The following GRIN2B variants were observed in gnomAD, a reference collection of about 807,000 sequenced individuals.
GRIN2B encodes glutamate ionotropic receptor NMDA type subunit 2B, also known as glutamate receptor ionotropic, NMDA 2B.
In GRIN2B, 5 loss-of-function variants were observed where a neutral mutation model predicts 114.5. The ratio of observed to expected loss-of-function variants is 0.04; its 90% CI spans 0.02 to 0.09. GRIN2B has a LOEUF of 0.09. GRIN2B is among the 10% of genes least tolerant of loss of function. GRIN2B has a pLI of 1.00. For missense variants in GRIN2B, 1,108 were observed against 1,943.5 expected (o/e 0.57, Z 8.08); for synonymous variants, 787 against 745.1 (o/e 1.06, Z -0.92).
chr12:13,818,535 T>C (rs1338086640), intron 3 of GRIN2B, among the ~76,000 whole-genome samples: 2 of 152,244 alleles, frequency 1.3e-5, no homozygotes, highest in Non-Finnish European at 2.9e-5. Context: ...TCATTATTCT[T>C]AGAGATTGAG....
chr12:13,674,008 G>A (rs370291378), intron 5 of GRIN2B, among the ~76,000 whole-genome samples: 1 of 152,016 alleles, frequency 6.6e-6, no homozygotes, highest in African/African-American at 2.4e-5. Context: ...CAGAAGCCCA[G>A]GGAACAACCA....
chr12:13,619,888 C>T (rs1949494256), intron 5 of GRIN2B, among the ~76,000 whole-genome samples: 1 of 152,210 alleles, frequency 6.6e-6, no homozygotes, highest in South Asian at 2.1e-4. Flanking sequence ...CTCTGCACTG[C>T]TTCTCTGACA....
chr12:13,616,911 G>A (rs1949451070), intron 5 of GRIN2B, among the ~76,000 whole-genome samples: 1 of 152,210 alleles, frequency 6.6e-6, no homozygotes, highest in South Asian at 2.1e-4. Context: ...ACTATGTGCT[G>A]GCACCCTGTT....
intron 3 of GRIN2B, among the ~76,000 whole-genome samples, chr12:13,780,284 T>C (rs61912126): frequency 1.3e-5 from 2 of 151,522 alleles, no homozygotes; most frequent in Non-Finnish European, 2.9e-5. Flanking sequence ...CATAGAGCTA[T>C]TTAAAAAAAA....
chr12:13,912,591 C>G (rs1260727120), intron 2 of GRIN2B, among the ~76,000 whole-genome samples: 1 of 151,954 alleles, frequency 6.6e-6, no homozygotes, highest in African/African-American at 2.4e-5. Context: ...TAGCCTTGCT[C>G]TGTCTGAACC....
intron 12 of GRIN2B, among the ~76,000 whole-genome samples, chr12:13,568,386 T>C (rs1391768282): frequency 6.6e-6 from 1 of 152,190 alleles, no homozygotes; most frequent in Non-Finnish European, 1.5e-5. Flanking sequence ...CTGACTAAAG[T>C]TTTGGCAACT....
chr12:13,608,553 CT>C, intron 10 of GRIN2B, 49 bp downstream of exon 10: 1 of 1,369,388 alleles, frequency 7.3e-7, no homozygotes. Context: ...TTGAGTATGG[CT>C]GAGAACAGGA....
At chr12:13,810,140 C>T (rs999504767) in intron 3 of GRIN2B, among the ~76,000 whole-genome samples, 1 of 152,108 alleles carries the variant, frequency 6.6e-6, no homozygotes, top group African/African-American at 2.4e-5. Context: ...CCCACCACCC[C>T]CCTCCCCACC....
chr12:13,888,215 A>C (rs769846717), intron 2 of GRIN2B, among the ~76,000 whole-genome samples: 3 of 152,184 alleles, frequency 2.0e-5, no homozygotes, highest in African/African-American at 7.2e-5. Context: ...AAGCAATTTC[A>C]TCATTGTGTG....
At position 13,549,385 on chromosome 12, in the gene GRIN2B, G is replaced by T. The variant is rs944931247; in HGVS notation, c.*13398C>A. On this transcript the variant is annotated 3_prime_UTR_variant, in exon 14 of 14. Coordinates refer to ENST00000609686, the MANE Select transcript of GRIN2B (RefSeq NM_000834.5). ...TGGGGGCTATAGGTTCTTTCTTCAAGAATTCATTGTGTATGTGAACTGCCT... is the reference window on the plus strand; with the variant it reads ...TGGGGGCTATAGGTTCTTTCTTCAATAATTCATTGTGTATGTGAACTGCCT... 2.0e-5 allele frequency: 3 copies of T among 152,106 alleles called. No individual in the cohort carries two copies. The highest frequency in any genetic ancestry group is 7.2e-5 in the African/African-American group (3 of 41,396). 9.4% of individuals were successfully genotyped at this position (152,106 alleles called of 1,614,324 possible). A position where few individuals can be genotyped will look rare whatever the true frequency, so the allele number is the denominator to read the frequency against.
intron 4 of GRIN2B, among the ~76,000 whole-genome samples, chr12:13,693,420 T>C (rs1950231528): frequency 1.3e-5 from 2 of 152,110 alleles, no homozygotes; most frequent in Admixed American, 1.3e-4. Flanking sequence ...AAGCATGGCA[T>C]ATACCTTATA....
At chr12:13,680,764 A>C (rs1358934111) in intron 4 of GRIN2B, among the ~76,000 whole-genome samples, 3 of 152,104 alleles carry the variant, frequency 2.0e-5, no homozygotes, top group Non-Finnish European at 2.9e-5. Context: ...AAGTAAAATC[A>C]GTTCCACAGA....
At position 13,564,606 on chromosome 12, in the gene GRIN2B, C is replaced by T. The variant is rs201426340; in HGVS notation, c.2632G>A (p.Glu878Lys). 5.6e-6 allele frequency: 9 copies of T among 1,613,818 alleles called. No individual in the cohort carries two copies. Among genetic ancestry groups the T allele is most frequent in the African/African-American group, 2.7e-5 (2 of 74,998 alleles). The change falls in exon 14 of 14, where the codon GAG (glutamate) becomes AAG (lysine). Residue 878 changes from glutamate to lysine, a missense_variant. Around this residue, in one of 19 missense-constraint regions of GRIN2B, gnomAD observed 27 missense variants for 51.7 expected, o/e 0.52. Transcript: ENST00000609686. This position sits in a 1 kb window ranked among gnomAD's most constrained non-coding sequence, Gnocchi z 4.8. Reference protein sequence around the residue: ...IYSCIHGVAIEERQSVMNSPT... With the variant: ...IYSCIHGVAIKERQSVMNSPT... Reference sequence around the variant, plus strand: ...GAGTTCATTACAGACTGGCGCTCCTCGATCGCCACCCCATGGATGCAGCTG... The same window carrying T: ...GAGTTCATTACAGACTGGCGCTCCTTGATCGCCACCCCATGGATGCAGCTG...
At chr12:13,716,151 T>C (rs1268859546) in intron 4 of GRIN2B, among the ~76,000 whole-genome samples, 1 of 151,888 alleles carries the variant, frequency 6.6e-6, no homozygotes, top group Non-Finnish European at 1.5e-5. Flanking sequence ...TATCCCCAAT[T>C]TATAATACCT....
chr12:13,761,507 G>A (rs553643131), intron 3 of GRIN2B, among the ~76,000 whole-genome samples: 133 of 152,286 alleles, frequency 8.7e-4, no homozygotes, highest in Middle Eastern at 6.8e-3. Flanking sequence ...ATACCTAAAC[G>A]AATTACAGAA....
chr12:13,632,834 T>C (rs1345909614), intron 5 of GRIN2B, among the ~76,000 whole-genome samples: 1 of 152,222 alleles, frequency 6.6e-6, no homozygotes, highest in Non-Finnish European at 1.5e-5. Context: ...GAATCACCTG[T>C]AATGTGATTA....
chr12:13,877,076 G>C (rs1203068185), intron 2 of GRIN2B, among the ~76,000 whole-genome samples: 2 of 152,120 alleles, frequency 1.3e-5, no homozygotes, highest in African/African-American at 4.8e-5. Flanking sequence ...GTTGTTAGTT[G>C]GTAATTGCCT....
chr12:13,578,533 G>T (rs1269499791), intron 10 of GRIN2B, among the ~76,000 whole-genome samples: 5 of 152,070 alleles, frequency 3.3e-5, no homozygotes, highest in Non-Finnish European at 7.4e-5. Context: ...AGCCATTATG[G>T]ACTCTCCAGC....
At chr12:13,949,936 A>C (rs1390529738) in intron 2 of GRIN2B, among the ~76,000 whole-genome samples, 1 of 152,230 alleles carries the variant, frequency 6.6e-6, no homozygotes, top group African/African-American at 2.4e-5. Context: ...TAAATTCATT[A>C]AGGAGGAACT....
Sources: allele counts gnomAD v4.1 joint callset (sites outside exome capture counted in the v4.1 genomes callset), GRCh38; gene constraint gnomAD v4.1.1; regional missense constraint gnomAD v4.1.1; non-coding constraint Gnocchi (gnomAD v3.1); transcripts MANE v1.5; gene names NCBI Gene and HGNC (gene_info 2026-07-23, HGNC 2026-07-21).